The following TTN variants were observed in gnomAD, a reference collection of about 807,000 sequenced individuals.
The protein encoded by TTN is connectin.
TTN carries 1,525 observed loss-of-function variants against 3,223.0 expected under a neutral mutation model. The observed-to-expected ratio is 0.47, with a 90% CI of 0.45 to 0.49. The LOEUF is 0.49. Among genes scored for constraint, TTN ranks in the 20% least tolerant of loss-of-function variants. The pLI, the probability that TTN is intolerant of heterozygous loss-of-function variation, is 0.00. For missense variants in TTN, 40,786 were observed against 43,424.0 expected (o/e 0.94, Z 5.40); for synonymous variants, 14,094 against 15,161.0 (o/e 0.93, Z 5.17).
chr2:178,699,749 C>T (rs1553871833), intron 111 of TTN, among the ~76,000 whole-genome samples: 9 of 95,252 alleles, frequency 9.4e-5, no homozygotes, highest in Non-Finnish European at 1.4e-4. Flanking sequence ...TTTTTTGAGA[C>T]GGAGTCTCAC....
rs2062190871 is a variant in TTN at position 178,647,406 on chromosome 2, TGCA to T, written c.40113_40115del (p.Ala13372del). ...CTTCAGCAGGTGGAACTTCTGGCTC[TGCA>T]GGGATAGGCACAGACACTTCCTTTT... On this transcript the variant is annotated inframe_deletion, in exon 214 of 363. Coordinates refer to ENST00000589042, the MANE Select transcript of TTN (RefSeq NM_001267550.2). 3 of 1,549,672 alleles carry T rather than the reference TGCA, an allele frequency of 1.9e-6. No individual in the cohort carries two copies. The highest frequency in any genetic ancestry group is 2.6e-6 in the Non-Finnish European group (3 of 1,146,480).
At chr2:178,695,709 G>A (rs1017773709) in intron 114 of TTN, among the ~76,000 whole-genome samples, 156 bp downstream of exon 114, 9 of 151,728 alleles carry the variant, frequency 5.9e-5, no homozygotes, top group African/African-American at 2.2e-4. Context: ...GTAACTCTGA[G>A]GAAAATAACT....
chr2:178,667,795 TATATA>T (rs1177266889), intron 159 of TTN, 74 bp from the exon 160 acceptor site: 9 of 1,057,396 alleles, frequency 8.5e-6, no homozygotes, highest in Non-Finnish European at 1.2e-5. Flanking sequence ...AAAAATATAA[TATATA>T]ATACCACATT....
In TTN at chr2:178,734,884, T is replaced by C. The variant is rs143093473; in HGVS notation, c.15040A>G (p.Thr5014Ala). ...KLKGSPVIQV[T>A]WFKNNKELSE... Reference sequence around the variant, plus strand: ...AGTTCTTTGTTATTTTTAAACCAAGTAACCTGGATCACAGGTGAGCCTTTC... The same window carrying C: ...AGTTCTTTGTTATTTTTAAACCAAGCAACCTGGATCACAGGTGAGCCTTTC... Residue 5014 changes from threonine (T) to alanine (A), a missense_variant, in exon 51 of 363, where the codon ACT (threonine) becomes GCT (alanine). By Grantham distance (58) the Thr-to-Ala change is moderately conservative (BLOSUM62 0). Transcript: ENST00000589042. The C allele has an allele frequency of 2.4e-5, 38 of 1,613,396 alleles. No individual in the cohort carries two copies. In the South Asian group the frequency reaches 3.7e-4, roughly 16 times the overall value.
At chr2:178,664,826 G>C in intron 166 of TTN, 26 bp downstream of exon 166, 1 of 1,610,778 alleles carries the variant, frequency 6.2e-7, no homozygotes, top group South Asian at 1.1e-5. Context: ...GCTAGTTCTT[G>C]ACCCTGAGAG....
At position 178,684,928 on chromosome 2, in the gene TTN, CT is replaced by C; in HGVS notation, c.32531del (p.Lys10844ArgfsTer37). The C allele has an allele frequency of 1.9e-6, 3 of 1,608,618 alleles. No homozygotes were observed. Among genetic ancestry groups the C allele is most frequent in the Non-Finnish European group, 8.5e-7 (1 of 1,177,254 alleles). On this transcript the variant is annotated frameshift_variant, in exon 130 of 363. Transcript: ENST00000589042. LOFTEE classifies it high-confidence loss of function. ...EKKVPAPVPK[K>X]EKVPPPKVPE... ...TACCTTTAGGTGGGGGCACCTTTTC[CT>C]TTTTAGGAACTGGAGCAGGAACTTT...
Position 178,704,663 on chromosome 2 carries a change from C to T in TTN, c.29809G>A (p.Gly9937Arg), listed in dbSNP as rs2075573477. ...TCACTGGGTTCCAGTTTTTCAGTTC[C>T]TTTGTACCACGAAAGCTTGATTTCT... is the stretch of plus-strand genomic sequence containing the variant. ...YPEIKLSWYKGTEKLEPSDKF... is the reference protein window; with the variant it reads ...YPEIKLSWYKRTEKLEPSDKF... The change falls in exon 105 of 363, where the codon GGA becomes AGA. Residue 9937 changes from glycine to arginine, a missense_variant. Gly to Arg is a moderately radical substitution (Grantham distance 125). Transcript: ENST00000589042. 6.2e-7 allele frequency: 1 copy of T among 1,612,072 alleles called. No homozygotes were observed. The highest frequency in any genetic ancestry group is 1.3e-5 in the African/African-American group (1 of 75,018).
At position 178,777,217 on chromosome 2, in the gene TTN, G is replaced by A; in HGVS notation, c.4746C>T (p.Asn1582=). The change falls in exon 27 of 363, where the codon AAC becomes AAT. Residue 1582 remains asparagine, a synonymous_variant. Transcript: ENST00000589042. ...TCAACCATACAATGTCAGGGTTGGGGTTACCCGTAGCTCTGACTTTCATTT... is the reference window on the plus strand; with the variant it reads ...TCAACCATACAATGTCAGGGTTGGGATTACCCGTAGCTCTGACTTTCATTT... The part of the protein sequence containing the change: ...RLEMKVRATG[N]PNPDIVWLKN... 2 of 1,614,084 alleles carry A rather than the reference G, an allele frequency of 1.2e-6. No homozygotes were observed. Among genetic ancestry groups the A allele is most frequent in the South Asian group, 1.1e-5 (1 of 91,086 alleles).
In TTN at chr2:178,588,829, G is replaced by C; in HGVS notation, c.62896C>G (p.Arg20966Gly). 1.2e-6 allele frequency: 2 copies of C among 1,613,306 alleles called. No individual in the cohort carries two copies. Among genetic ancestry groups the C allele is most frequent in the Non-Finnish European group, 1.7e-6 (2 of 1,179,580 alleles). The change falls in exon 304 of 363, where the codon CGC becomes GGC. Residue 20966 changes from arginine (R) to glycine (G), a missense_variant. Physicochemically the swap from Arg to Gly is moderately radical, Grantham distance 125. Transcript: ENST00000589042. ...TTAGTGACTTCTGGGGGATCAGGGC[G>C]ACCAGGTTTATCATACTTGGTTTTG... ...IAKTKYDKPG[R>G]PDPPEVTKVS... is the part of the protein sequence containing the mutation.
intron 129 of TTN, 75 bp downstream of exon 129, chr2:178,685,178 C>A: frequency 7.7e-7 from 1 of 1,304,610 alleles, no homozygotes; most frequent in East Asian, 2.5e-5. Flanking sequence ...ATGCATAAGA[C>A]AGTTATGCAA....
chr2:178,691,734 A>C (rs1283987542), intron 121 of TTN, among the ~76,000 whole-genome samples: 1 of 152,194 alleles, frequency 6.6e-6, no homozygotes, highest in Non-Finnish European at 1.5e-5. Flanking sequence ...AGTTTCACAA[A>C]CATTTCCTCT....
intron 253 of TTN, 72 bp downstream of exon 253, chr2:178,617,707 G>A: frequency 1.3e-6 from 2 of 1,549,232 alleles, no homozygotes; most frequent in East Asian, 4.5e-5. Flanking sequence ...CATTTAACTT[G>A]ATTTATTTTA....
intron 257 of TTN, among the ~76,000 whole-genome samples, chr2:178,616,182 C>T (rs1322086237): frequency 6.6e-6 from 1 of 151,796 alleles, no homozygotes; most frequent in African/African-American, 2.4e-5. Context: ...TTACTTTCCA[C>T]TTCTAGCTTA....
At chr2:178,748,095 CT>C in intron 47 of TTN, 1 of 1,613,110 alleles carries the variant, frequency 6.2e-7, no homozygotes, top group South Asian at 1.1e-5. Flanking sequence ...TCACTTGCTG[CT>C]TTTTTCAAAT....
rs774983607 is a variant in TTN, at chr2:178,731,979, A to T, written c.16904-8T>A. On this transcript the variant is annotated splice_region_variant and splice_polypyrimidine_tract_variant and intron_variant, in intron 57 of 362. Transcript: ENST00000589042. Reference sequence around the variant, plus strand: ...TGGTAAAATAAGGTGACTCTACAGTAAAAAAGGAATGATTTGCATTAAGGG... The same window carrying T: ...TGGTAAAATAAGGTGACTCTACAGTTAAAAAGGAATGATTTGCATTAAGGG... 8.1e-6 allele frequency: 13 copies of T among 1,598,972 alleles called. No individual in the cohort carries two copies. The South Asian group carries it at 1.3e-4, about 17-fold the overall frequency.
At chr2:178,792,832 G>T (rs2093581306) in intron 9 of TTN, among the ~76,000 whole-genome samples, 1 of 152,140 alleles carries the variant, frequency 6.6e-6, no homozygotes. Flanking sequence ...CCACCCAACT[G>T]CCAACTGGTT....
chr2:178,596,773 C>T (rs2051761502), intron 294 of TTN, among the ~76,000 whole-genome samples: 1 of 151,974 alleles, frequency 6.6e-6, no homozygotes, highest in Non-Finnish European at 1.5e-5. Context: ...AAAACTGTGG[C>T]TGGAGTATTG....
At position 178,773,791 on chromosome 2, in the gene TTN, T is replaced by C. The variant is rs753966334; in HGVS notation, c.7330+47A>G. ...AAATTGTCTGCTCCTTGAAGTTCTT[T>C]ATGTTGCTTAATAGTGTAAACATAA... On this transcript the variant is annotated intron_variant, in intron 31 of 362. Coordinates refer to ENST00000589042, the MANE Select transcript of TTN (RefSeq NM_001267550.2). 4 of 1,613,946 alleles carry C rather than the reference T, an allele frequency of 2.5e-6. No homozygotes were observed. The African/African-American group carries it at 5.3e-5, about 22-fold the overall frequency.
chr2:178,715,444 T>C (rs545310957), intron 89 of TTN, 49 bp downstream of exon 89: 5 of 1,562,610 alleles, frequency 3.2e-6, no homozygotes, highest in South Asian at 1.2e-5. Flanking sequence ...AAGAGGACAA[T>C]TAAAGAGGAG....
Sources: gnomAD v4.1 joint callset for allele counts (sites outside exome capture counted in the v4.1 genomes callset) on GRCh38, gnomAD v4.1.1 for gene constraint, MANE v1.5 for transcripts, NCBI Gene and HGNC (gene_info 2026-07-23, HGNC 2026-07-21) for gene names.